CHSY1: variants seen among roughly 807,000 people sequenced by gnomAD.
CHSY1 encodes N-acetylgalactosaminyl-proteoglycan 3-beta-glucuronosyltransferase 1.
Under a neutral mutation model 59.8 loss-of-function variants are expected in CHSY1, and 13 were observed. That is an observed-to-expected ratio of 0.22 (90% CI 0.14 to 0.35). The LOEUF is 0.35. Ranked by LOEUF, CHSY1 falls within the 10% of genes least tolerant of loss-of-function variation. CHSY1 has a pLI of 1.00. For missense variants in CHSY1, 947 were observed against 1,030.6 expected (o/e 0.92, Z 1.11); for synonymous variants, 459 against 401.2 (o/e 1.14, Z -1.72).
At chr15:101,239,747 C>G (rs911958351) in intron 1 of CHSY1, among the ~76,000 whole-genome samples, 1 of 152,046 alleles carries the variant, frequency 6.6e-6, no homozygotes, top group South Asian at 2.1e-4. Flanking sequence ...TACTGAAATC[C>G]TCTTTTACTA....
intron 2 of CHSY1, among the ~76,000 whole-genome samples, chr15:101,181,682 A>T (rs964877174): frequency 6.6e-6 from 1 of 152,204 alleles, no homozygotes; most frequent in Non-Finnish European, 1.5e-5. Context: ...AGTAGCACAG[A>T]GGTATTCTTA....
chr15:101,201,157 G>T (rs1314014894), intron 2 of CHSY1, among the ~76,000 whole-genome samples: 6 of 152,206 alleles, frequency 3.9e-5, no homozygotes, highest in Admixed American at 2.6e-4. Flanking sequence ...GCCAGAGAGA[G>T]AATGTGAAAT....
At chr15:101,205,929 G>T (rs949488972) in intron 2 of CHSY1, among the ~76,000 whole-genome samples, 1 of 151,836 alleles carries the variant, frequency 6.6e-6, no homozygotes, top group Non-Finnish European at 1.5e-5. Flanking sequence ...TCCAGCCTGG[G>T]CGAAAGAGAG....
chr15:101,183,143 C>A (rs971987198), intron 2 of CHSY1, among the ~76,000 whole-genome samples: 1 of 151,320 alleles, frequency 6.6e-6, no homozygotes, highest in Non-Finnish European at 1.5e-5. Flanking sequence ...AAGATCATAA[C>A]GATAAAAAAA....
At position 101,177,221 on chromosome 15, in the gene CHSY1, A is replaced by T. The variant is rs1343738856; in HGVS notation, c.*167T>A. 3.2e-6 allele frequency: 2 copies of T among 630,478 alleles called. No individual in the cohort carries two copies. Among genetic ancestry groups the T allele is most frequent in the African/African-American group, 3.7e-5 (2 of 54,444 alleles). 39.1% of individuals were successfully genotyped at this position (630,478 alleles called of 1,614,324 possible). A position where few individuals can be genotyped will look rare whatever the true frequency, so the allele number is the denominator to read the frequency against. ...AGCAAGAAGATGTGTTCAAAGGCAA[A>T]CACTGATCACCTTCTTGTTCAGAAA... is the stretch of plus-strand genomic sequence containing the variant. On this transcript the variant is annotated 3_prime_UTR_variant, in exon 3 of 3. Transcript: ENST00000254190.
intron 1 of CHSY1, among the ~76,000 whole-genome samples, chr15:101,250,640 G>C (rs1408998001): frequency 2.0e-5 from 3 of 152,186 alleles, no homozygotes; most frequent in Non-Finnish European, 4.4e-5. Context: ...TTCATTTATA[G>C]GAGTGCCTCC....
chr15:101,191,860 C>G (rs577524026), intron 2 of CHSY1, among the ~76,000 whole-genome samples: 1 of 151,908 alleles, frequency 6.6e-6, no homozygotes, highest in South Asian at 2.1e-4. Context: ...ATAATAAATT[C>G]ATTCATTTTC....
intron 1 of CHSY1, among the ~76,000 whole-genome samples, chr15:101,241,044 A>C (rs999213817): frequency 6.6e-6 from 1 of 152,176 alleles, no homozygotes; most frequent in African/African-American, 2.4e-5. Context: ...TCCACCCCCA[A>C]AGTATTCACC....
At position 101,177,457 on chromosome 15, in the gene CHSY1, C is replaced by T. The variant is rs752128321; in HGVS notation, c.2340G>A (p.Met780Ile). ...TYGSTQQLAE[M>I]WLEKNDPSYS... Reference sequence around the variant, plus strand: ...AACTTGGATCATTTTTTTCCAGCCACATCTCAGCCAGCTGCTGGGTGGACC... The same window carrying T: ...AACTTGGATCATTTTTTTCCAGCCATATCTCAGCCAGCTGCTGGGTGGACC... Residue 780 changes from methionine (M) to isoleucine (I), a missense_variant, in exon 3 of 3, where the codon ATG becomes ATA. By Grantham distance (10) the Met-to-Ile change is conservative. This residue lies in a region of CHSY1 where 602 missense variants were observed against 676.9 expected (regional missense o/e 0.89). Coordinates refer to ENST00000254190, the MANE Select transcript of CHSY1 (RefSeq NM_014918.5). 3.7e-6 allele frequency: 6 copies of T among 1,612,818 alleles called. No homozygotes were observed. The highest frequency in any genetic ancestry group is 3.4e-6 in the Non-Finnish European group (4 of 1,179,662).
chr15:101,205,250 C>G (rs2038613593), intron 2 of CHSY1, among the ~76,000 whole-genome samples: 1 of 151,826 alleles, frequency 6.6e-6, no homozygotes, highest in Non-Finnish European at 1.5e-5. Flanking sequence ...TCCTTTTTGC[C>G]TGCTGTGCTG....
intron 2 of CHSY1, among the ~76,000 whole-genome samples, chr15:101,221,364 G>C (rs1369080754): frequency 1.3e-5 from 2 of 152,160 alleles, no homozygotes; most frequent in African/African-American, 2.4e-5. Flanking sequence ...GTGCTGGGGT[G>C]TACCTGTAAT....
chr15:101,195,087 G>A (rs1207407298), intron 2 of CHSY1, among the ~76,000 whole-genome samples: 2 of 152,044 alleles, frequency 1.3e-5, no homozygotes, highest in African/African-American at 4.8e-5. Flanking sequence ...CATCACTTAC[G>A]ATGAACTATT....
At chr15:101,234,633 C>T (rs2038922379) in intron 2 of CHSY1, among the ~76,000 whole-genome samples, 1 of 152,188 alleles carries the variant, frequency 6.6e-6, no homozygotes, top group African/African-American at 2.4e-5. Context: ...TTTTGGGAGG[C>T]TGAGGCAGGC....
In CHSY1 at chr15:101,235,154, G is replaced by A. The variant is rs2038928520; in HGVS notation, c.744C>T (p.Thr248=). 2 of 1,614,092 alleles carry A rather than the reference G, an allele frequency of 1.2e-6. No homozygotes were observed. Among genetic ancestry groups the A allele is most frequent in the Non-Finnish European group, 1.7e-6 (2 of 1,180,022 alleles). ...TTCCCACCTCCACGTCCTCATGGGTGGTGTACATCTCCCGGAGACACTTGC... is the reference window on the plus strand; with the variant it reads ...TTCCCACCTCCACGTCCTCATGGGTAGTGTACATCTCCCGGAGACACTTGC... ...HIGKCLREMY[T]THEDVEVGRC... Residue 248 remains threonine (T), a synonymous_variant, in exon 2 of 3, where the codon ACC becomes ACT. Transcript: ENST00000254190.
rs971635712 is a variant in CHSY1, at chr15:101,217,273, G to C, written c.816+17809C>G. 2.6e-5 allele frequency among the ~76,000 whole-genome samples: 4 copies of C among 152,180 alleles called. No homozygotes were observed. In the East Asian group the frequency reaches 7.7e-4, roughly 29 times the overall value. ...CCACATGGTAATAATCAGAGCTGGAGACATCACTATCAATTCATGCTATCA... is the reference window on the plus strand; with the variant it reads ...CCACATGGTAATAATCAGAGCTGGACACATCACTATCAATTCATGCTATCA... On this transcript the variant is annotated intron_variant, in intron 2 of 2. Coordinates refer to ENST00000254190, the MANE Select transcript of CHSY1 (RefSeq NM_014918.5).
At chr15:101,234,983 C>T in intron 2 of CHSY1, 99 bp downstream of exon 2, 1 of 1,490,038 alleles carries the variant, frequency 6.7e-7, no homozygotes, top group Non-Finnish European at 9.2e-7. Flanking sequence ...CTTCAACCCT[C>T]AAAGAGGATA....
chr15:101,180,029 C>T (rs1386628528), intron 2 of CHSY1, among the ~76,000 whole-genome samples: 1 of 152,098 alleles, frequency 6.6e-6, no homozygotes, highest in Non-Finnish European at 1.5e-5. Flanking sequence ...GTTTTTTGTT[C>T]ATATTGTTAA....
chr15:101,236,326 G>C (rs2038941987), intron 1 of CHSY1, among the ~76,000 whole-genome samples: 1 of 152,194 alleles, frequency 6.6e-6, no homozygotes, highest in Admixed American at 6.5e-5. Flanking sequence ...CCAGGGGAAG[G>C]TAAGTGGATC....
At chr15:101,213,512 C>A (rs2038702745) in intron 2 of CHSY1, among the ~76,000 whole-genome samples, 2 of 152,142 alleles carry the variant, frequency 1.3e-5, no homozygotes, top group East Asian at 3.8e-4. Context: ...TAAAAGTAAA[C>A]AGACTGAATA....
Sources: allele counts gnomAD v4.1 joint callset (sites outside exome capture counted in the v4.1 genomes callset), GRCh38; gene constraint gnomAD v4.1.1; regional missense constraint gnomAD v4.1.1; transcripts MANE v1.5; gene names NCBI Gene and HGNC (gene_info 2026-07-23, HGNC 2026-07-21).